The following BICC1 variants were observed in gnomAD, a reference collection of about 807,000 sequenced individuals.
BICC1 encodes protein bicaudal C homolog 1.
BICC1 carries 43 observed loss-of-function variants against 111.0 expected under a neutral mutation model. That is an observed-to-expected ratio of 0.39 (90% CI 0.30 to 0.50). BICC1 has a LOEUF of 0.50. Ranked by LOEUF, BICC1 falls within the 20% of genes least tolerant of loss-of-function variation. The pLI, the probability that BICC1 is intolerant of heterozygous loss-of-function variation, is 0.88. For missense variants in BICC1, 1,091 were observed against 1,203.2 expected (o/e 0.91, Z 1.38); for synonymous variants, 467 against 434.4 (o/e 1.07, Z -0.93).
intron 1 of BICC1, among the ~76,000 whole-genome samples, chr10:58,529,645 A>G (rs1842630301): frequency 6.6e-6 from 1 of 151,810 alleles, no homozygotes; most frequent in Non-Finnish European, 1.5e-5. Context: ...AGACATGTTT[A>G]TTTTAATCTG....
At chr10:58,734,901 C>G (rs1041729095) in intron 3 of BICC1, among the ~76,000 whole-genome samples, 6 of 152,146 alleles carry the variant, frequency 3.9e-5, no homozygotes, top group Non-Finnish European at 7.3e-5. Context: ...TGCATTTCCA[C>G]ATCTGCAAGC....
intron 1 of BICC1, among the ~76,000 whole-genome samples, chr10:58,555,697 A>G (rs1234082244): frequency 2.0e-5 from 3 of 152,162 alleles, no homozygotes; most frequent in Admixed American, 6.6e-5. Context: ...CTGGAACTCA[A>G]ATGATGGCCA....
At chr10:58,676,214 G>A (rs1023343158) in intron 2 of BICC1, among the ~76,000 whole-genome samples, 1 of 152,170 alleles carries the variant, frequency 6.6e-6, no homozygotes. Flanking sequence ...GGCAGACACC[G>A]AACTAGCTGC....
intron 20 of BICC1, among the ~76,000 whole-genome samples, chr10:58,821,680 T>C (rs1315168250): frequency 6.6e-5 from 10 of 152,266 alleles, no homozygotes; most frequent in African/African-American, 2.4e-4. Context: ...ATATACTGTG[T>C]GTACCCAAGA....
intron 1 of BICC1, among the ~76,000 whole-genome samples, chr10:58,537,766 T>C (rs527392599): frequency 2.6e-5 from 4 of 151,950 alleles, no homozygotes; most frequent in African/African-American, 9.6e-5. Flanking sequence ...ATCTGATAAA[T>C]GAATCCAGTA....
At chr10:58,739,445 G>T (rs898195912) in intron 3 of BICC1, among the ~76,000 whole-genome samples, 1 of 152,176 alleles carries the variant, frequency 6.6e-6, no homozygotes, top group Non-Finnish European at 1.5e-5. Flanking sequence ...CTTGATCATG[G>T]TGGATAAGCT....
intron 1 of BICC1, among the ~76,000 whole-genome samples, chr10:58,523,339 A>G (rs1333606903): frequency 6.6e-6 from 1 of 152,230 alleles, no homozygotes; most frequent in Non-Finnish European, 1.5e-5. Flanking sequence ...GCAGCACATC[A>G]AAAAGCTTAT....
chr10:58,537,469 T>C (rs1232869019), intron 1 of BICC1, among the ~76,000 whole-genome samples: 3 of 151,790 alleles, frequency 2.0e-5, no homozygotes, highest in East Asian at 1.9e-4. Context: ...AAACTAGTTA[T>C]AGATGAAACA....
intron 2 of BICC1, among the ~76,000 whole-genome samples, chr10:58,684,188 C>T (rs970119893): frequency 1.4e-4 from 21 of 152,058 alleles, no homozygotes; most frequent in African/African-American, 4.3e-4. Context: ...TATTGGTTTG[C>T]GTATGTTGAA....
rs1320862211 is a variant in BICC1, at chr10:58,595,355, C to A, written c.191-25500C>A. On this transcript the variant is annotated intron_variant, in intron 1 of 20. Coordinates refer to ENST00000373886, the MANE Select transcript of BICC1 (RefSeq NM_001080512.3). Reference sequence around the variant, plus strand: ...TTCAGGACTTGAACTTAGCTCTGGACCAAGTGGACCTAATAGACATCTACA... The same window carrying A: ...TTCAGGACTTGAACTTAGCTCTGGAACAAGTGGACCTAATAGACATCTACA... Among the ~76,000 whole-genome samples the A allele has an allele frequency of 2.0e-5, 3 of 152,094 alleles. No homozygotes were observed. The South Asian group carries it at 6.2e-4, about 32-fold the overall frequency.
rs577759002 is a variant in BICC1 at position 58,674,504 on chromosome 10, A to C, written c.238-27570A>C. Among the ~76,000 whole-genome samples the C allele has an allele frequency of 6.6e-5, 10 of 152,276 alleles. 1 individual carries two copies. The highest frequency in any genetic ancestry group is 6.5e-4 in the Admixed American group (10 of 15,292). On this transcript the variant is annotated intron_variant, in intron 2 of 20. Coordinates refer to ENST00000373886, the MANE Select transcript of BICC1 (RefSeq NM_001080512.3). ...TAAAACCATGCACTTCTGCCCATTC[A>C]TTCCTCACTGTTCTTTCTCTGGCTT...
chr10:58,618,798 A>G (rs566240978), intron 1 of BICC1, among the ~76,000 whole-genome samples: 1 of 152,302 alleles, frequency 6.6e-6, no homozygotes, highest in South Asian at 2.1e-4. Flanking sequence ...AACAACAGAA[A>G]TCTTACTTTT....
At chr10:58,755,361 C>T (rs188820349) in intron 3 of BICC1, among the ~76,000 whole-genome samples, 37 of 152,254 alleles carry the variant, frequency 2.4e-4, no homozygotes, top group African/African-American at 7.0e-4. Context: ...AAGTCAGTGG[C>T]GCTGTCAGAT....
At chr10:58,702,469 T>C (rs1484441702) in intron 3 of BICC1, among the ~76,000 whole-genome samples, 1 of 152,206 alleles carries the variant, frequency 6.6e-6, no homozygotes, top group Non-Finnish European at 1.5e-5. Context: ...CTATTGTTTA[T>C]ATTTCAGGGT....
intron 2 of BICC1, among the ~76,000 whole-genome samples, chr10:58,669,311 C>G (rs79821094): frequency 2.0e-5 from 3 of 151,880 alleles, no homozygotes; most frequent in African/African-American, 7.2e-5. Flanking sequence ...TAACCTGATA[C>G]GTATACAGGA....
At chr10:58,706,694 T>C (rs1840396224) in intron 3 of BICC1, among the ~76,000 whole-genome samples, 1 of 152,166 alleles carries the variant, frequency 6.6e-6, no homozygotes, top group African/African-American at 2.4e-5. Context: ...AGTTTAAAAC[T>C]GTTTGAAAGT....
At chr10:58,823,597 G>A (rs1844312132) in intron 20 of BICC1, 1 of 985,096 alleles carries the variant, frequency 1.0e-6, no homozygotes, top group Non-Finnish European at 1.2e-6. Context: ...GAAAAACTTT[G>A]TCTTCATGGC....
intron 1 of BICC1, among the ~76,000 whole-genome samples, chr10:58,613,262 A>AAT: frequency 6.6e-6 from 1 of 152,324 alleles, no homozygotes; most frequent in Admixed American, 6.5e-5. Context: ...CATCCAAGCG[A>AAT]ATAAACTTTG....
chr10:58,604,494 A>G (rs566712193), intron 1 of BICC1, among the ~76,000 whole-genome samples: 1 of 152,164 alleles, frequency 6.6e-6, no homozygotes, highest in East Asian at 1.9e-4. Flanking sequence ...CCCCATCTCT[A>G]CTAAAAATAC....
Sources: gnomAD v4.1 joint callset for allele counts (sites outside exome capture counted in the v4.1 genomes callset) on GRCh38, gnomAD v4.1.1 for gene constraint, MANE v1.5 for transcripts, NCBI Gene and HGNC (gene_info 2026-07-23, HGNC 2026-07-21) for gene names.